KCNN2: variants seen among roughly 807,000 people sequenced by gnomAD.
The protein encoded by KCNN2 is potassium calcium-activated channel subfamily N member 2, also known as small conductance calcium-activated potassium channel protein 2.
In KCNN2, 24 loss-of-function variants were observed where a neutral mutation model predicts 55.5. The ratio of observed to expected loss-of-function variants is 0.43; its 90% CI spans 0.31 to 0.61. The LOEUF is 0.61. KCNN2 is among the 20% of genes least tolerant of loss of function. The probability of loss-of-function intolerance (pLI) is 0.08; values close to 1 mark genes in which losing one functional copy is unlikely to be tolerated. For synonymous variants in KCNN2, 431 were observed against 336.1 expected, an observed-to-expected ratio of 1.28 and a Z score of -3.09; for missense variants, 754 against 853.6, an observed-to-expected ratio of 0.88 and a Z score of 1.45.
At chr5:114,146,643 C>T (rs1189563792) in intron 1 of KCNN2, among the ~76,000 whole-genome samples, 1 of 152,064 alleles carries the variant, frequency 6.6e-6, no homozygotes, top group Admixed American at 6.6e-5. Flanking sequence ...TAGGAGAAGG[C>T]CTCAGGGATT....
chr5:114,237,551 T>C (rs1185499512), intron 2 of KCNN2, among the ~76,000 whole-genome samples: 2 of 152,096 alleles, frequency 1.3e-5, no homozygotes, highest in Non-Finnish European at 2.9e-5. Flanking sequence ...GCTGGGGCTT[T>C]AGTAGATCCC....
At chr5:114,424,628 A>G (rs1357488577) in intron 3 of KCNN2, among the ~76,000 whole-genome samples, 2 of 152,344 alleles carry the variant, frequency 1.3e-5, no homozygotes, top group East Asian at 1.9e-4. Flanking sequence ...CGGAGAGGCC[A>G]GGCACTGGAA....
At chr5:114,293,622 A>G (rs991181407) in intron 2 of KCNN2, among the ~76,000 whole-genome samples, 4 of 152,194 alleles carry the variant, frequency 2.6e-5, no homozygotes, top group Admixed American at 2.6e-4. Flanking sequence ...TTTTGCATCA[A>G]TGTTCTTCAA....
chr5:114,435,475 AAAT>A (rs1328803347), intron 3 of KCNN2, among the ~76,000 whole-genome samples: 1 of 152,178 alleles, frequency 6.6e-6, no homozygotes, highest in African/African-American at 2.4e-5. Context: ...TAGTAATGAA[AAAT>A]AATGTTTCTA....
At chr5:114,375,952 G>GTATATATATATATGTATATA (rs1554084349) in intron 2 of KCNN2, among the ~76,000 whole-genome samples, 8 of 104,722 alleles carry the variant, frequency 7.6e-5, no homozygotes, top group Non-Finnish European at 1.3e-4. Context: ...GACTCACAGT[G>GTATATATATATATGTATATA]TATATATATA....
intron 1 of KCNN2, 25 bp downstream of exon 1, chr5:114,363,286 G>T: frequency 1.3e-6 from 2 of 1,560,012 alleles, no homozygotes; most frequent in South Asian, 2.4e-5. Flanking sequence ...CCCAGCCCAC[G>T]CTACCGGAGT....
rs1756652517 is a variant in KCNN2, at chr5:114,323,479, TAAAAAA to T, written c.-184-37465_-184-37460del. Among the ~76,000 whole-genome samples, 5 of 152,128 alleles carry T rather than the reference TAAAAAA, an allele frequency of 3.3e-5. 1 individual carries two copies. Among genetic ancestry groups the T allele is most frequent in the Admixed American group, 3.3e-4 (5 of 15,278 alleles). ...CTTAAATCTTTAAAGATAATAAAAC[TAAAAAA>T]GTAATGAGAAAAATGTTTATTTTTT... On this transcript the variant is annotated intron_variant, in intron 2 of 10. Coordinates refer to the KCNN2 transcript ENST00000512097.
At chr5:114,390,396 A>G (rs1357229090) in intron 2 of KCNN2, among the ~76,000 whole-genome samples, 11 of 152,160 alleles carry the variant, frequency 7.2e-5, no homozygotes, top group Admixed American at 3.3e-4. Context: ...CTTTATTTTC[A>G]TCATTTCCAG....
At chr5:114,301,842 A>G (rs77752089) in intron 2 of KCNN2, among the ~76,000 whole-genome samples, 1 of 152,206 alleles carries the variant, frequency 6.6e-6, no homozygotes, top group African/African-American at 2.4e-5. Flanking sequence ...TTATTTGACT[A>G]AAGCAGTGTA....
rs201419544 is a variant in KCNN2, at chr5:114,363,959, C to T, written c.1176C>T (p.Ile392=). ...GCCTTATCAGTCTCTCCACGATCAT[C>T]CTGCTCGGTCTGATCATCGTGTACC... ...LKCLISLSTI[I]LLGLIIVYHA... Residue 392 remains isoleucine, a synonymous_variant, in exon 2 of 8, where the codon ATC becomes ATT. Coordinates refer to ENST00000673685, the MANE Select transcript of KCNN2 (RefSeq NM_021614.4). 6.8e-5 allele frequency: 110 copies of T among 1,614,106 alleles called. No homozygotes were observed. The East Asian group carries it at 2.4e-3, about 36-fold the overall frequency.
intron 2 of KCNN2, among the ~76,000 whole-genome samples, chr5:114,337,044 C>A (rs1304383479): frequency 6.6e-6 from 1 of 152,112 alleles, no homozygotes; most frequent in East Asian, 1.9e-4. Context: ...AACACCTCAT[C>A]TTCTGTGTAG....
intron 1 of KCNN2, among the ~76,000 whole-genome samples, chr5:114,126,328 C>T (rs1409556024): frequency 2.0e-5 from 3 of 152,142 alleles, no homozygotes; most frequent in Non-Finnish European, 2.9e-5. Context: ...AATTGACTCA[C>T]AGTTCAGCAT....
chr5:114,464,622 C>A (rs192739268), intron 4 of KCNN2, among the ~76,000 whole-genome samples: 1 of 152,034 alleles, frequency 6.6e-6, no homozygotes, highest in Non-Finnish European at 1.5e-5. Context: ...TCCTTCTCCC[C>A]CCTCGGTAGT....
At chr5:114,235,652 G>A (rs1016782854) in intron 2 of KCNN2, among the ~76,000 whole-genome samples, 5 of 152,168 alleles carry the variant, frequency 3.3e-5, no homozygotes, top group Non-Finnish European at 7.3e-5. Flanking sequence ...AAAGGAGATA[G>A]GAGTGAGGCT....
chr5:114,221,561 T>C (rs1348794640), exon 2 of KCNN2, among the ~76,000 whole-genome samples: 5 of 152,132 alleles, frequency 3.3e-5, no homozygotes, highest in African/African-American at 9.7e-5. Context: ...ATATAAGCAA[T>C]AACAGTGAGT....
At chr5:114,389,228 CT>C (rs1471054002) in intron 2 of KCNN2, among the ~76,000 whole-genome samples, 3 of 151,960 alleles carry the variant, frequency 2.0e-5, no homozygotes, top group African/African-American at 7.2e-5. Flanking sequence ...TTCGTTTCTC[CT>C]TTGCTGAAAA....
intron 3 of KCNN2, among the ~76,000 whole-genome samples, chr5:114,415,627 A>G (rs1020198325): frequency 6.6e-6 from 1 of 152,130 alleles, no homozygotes; most frequent in Admixed American, 6.5e-5. Flanking sequence ...GTAATTTGCA[A>G]TCCTCTAATG....
intron 1 of KCNN2, among the ~76,000 whole-genome samples, chr5:114,071,626 C>G (rs563652146): frequency 6.6e-6 from 1 of 152,208 alleles, no homozygotes; most frequent in East Asian, 1.9e-4. Context: ...TTCATATGTA[C>G]AGAATATATG....
intron 3 of KCNN2, among the ~76,000 whole-genome samples, chr5:114,432,868 G>A (rs1054825698): frequency 2.0e-5 from 3 of 152,232 alleles, no homozygotes; most frequent in East Asian, 3.9e-4. Context: ...AGCAGTGCCA[G>A]CTCACCAGCG....
Sources: gnomAD v4.1 joint callset for allele counts (sites outside exome capture counted in the v4.1 genomes callset) on GRCh38, gnomAD v4.1.1 for gene constraint, MANE v1.5 for transcripts, NCBI Gene and HGNC (gene_info 2026-07-23, HGNC 2026-07-21) for gene names.